The following SGCG variants were observed in gnomAD, a reference collection of about 807,000 sequenced individuals.
The protein encoded by SGCG is sarcoglycan gamma.
In SGCG, 26 loss-of-function variants were observed where a neutral mutation model predicts 29.3. The observed-to-expected ratio is 0.89, with a 90% CI of 0.65 to 1.23. The LOEUF (loss-of-function observed/expected upper bound fraction) is 1.23. SGCG is among the 50% of genes most tolerant of loss of function. The pLI is 0.00. For missense variants in SGCG, 353 were observed against 356.0 expected, an observed-to-expected ratio of 0.99 and a Z score of 0.07; for synonymous variants, 145 against 129.7, an observed-to-expected ratio of 1.12 and a Z score of -0.80.
intron 2 of SGCG, among the ~76,000 whole-genome samples, chr13:23,215,516 GCA>G (rs1365862607): frequency 6.6e-6 from 1 of 152,008 alleles, no homozygotes; most frequent in African/African-American, 2.4e-5. Context: ...TTCTCCCATA[GCA>G]CACACACACT....
At chr13:23,252,888 T>G (rs989381991) in intron 4 of SGCG, among the ~76,000 whole-genome samples, 8 of 152,106 alleles carry the variant, frequency 5.3e-5, no homozygotes, top group African/African-American at 1.9e-4. Context: ...CATAGCTAGT[T>G]AGTAGAGAAG....
intron 4 of SGCG, among the ~76,000 whole-genome samples, chr13:23,276,290 T>G (rs1263285057): frequency 6.6e-6 from 1 of 152,092 alleles, no homozygotes; most frequent in Non-Finnish European, 1.5e-5. Flanking sequence ...GTATTTAAAT[T>G]TAAACATGCA....
intron 1 of SGCG, among the ~76,000 whole-genome samples, chr13:23,181,668 A>G (rs1029086025): frequency 1.3e-5 from 2 of 152,250 alleles, no homozygotes. Flanking sequence ...TGCTCAAAAT[A>G]TGTATGAAAA....
intron 4 of SGCG, among the ~76,000 whole-genome samples, chr13:23,257,380 A>T (rs1179491919): frequency 6.6e-6 from 1 of 152,088 alleles, no homozygotes; most frequent in African/African-American, 2.4e-5. Flanking sequence ...CATTTACATT[A>T]GGTATCTCCC....
At chr13:23,201,917 A>G (rs1476415394) in intron 1 of SGCG, among the ~76,000 whole-genome samples, 1 of 152,140 alleles carries the variant, frequency 6.6e-6, no homozygotes, top group African/African-American at 2.4e-5. Context: ...ATTTCAAATG[A>G]TAAGCACTTT....
chr13:23,160,805 C>G, the SGCG span, among the ~76,000 whole-genome samples: 1 of 152,198 alleles, frequency 6.6e-6, no homozygotes, highest in Non-Finnish European at 1.5e-5. Flanking sequence ...CCCGTGCCCT[C>G]TTTCTCCTCG....
At chr13:23,321,404 T>C (rs780350589) in intron 7 of SGCG, among the ~76,000 whole-genome samples, 17 of 152,200 alleles carry the variant, frequency 1.1e-4, no homozygotes, top group Non-Finnish European at 2.2e-4. Context: ...GTTTAACTTA[T>C]AAATAAGGCT....
At chr13:23,242,669 T>C (rs1044080013) in intron 3 of SGCG, among the ~76,000 whole-genome samples, 1 of 152,130 alleles carries the variant, frequency 6.6e-6, no homozygotes, top group African/African-American at 2.4e-5. Context: ...AAAGGCATCA[T>C]TAGCTAATGA....
At chr13:23,285,691 C>T (rs1460252666) in intron 5 of SGCG, among the ~76,000 whole-genome samples, 1 of 152,208 alleles carries the variant, frequency 6.6e-6, no homozygotes. Flanking sequence ...CAGTGTCTGT[C>T]CAAATGACCA....
intron 4 of SGCG, among the ~76,000 whole-genome samples, chr13:23,257,566 C>T (rs1880247170): frequency 6.6e-6 from 1 of 152,134 alleles, no homozygotes; most frequent in African/African-American, 2.4e-5. Context: ...TCCCTTTTGT[C>T]AATTTTGACT....
Position 23,320,681 on chromosome 13 carries a change from G to A in SGCG, c.623G>A (p.Gly208Asp), listed in dbSNP as rs778119056. 1.2e-6 allele frequency: 2 copies of A among 1,610,500 alleles called. No individual in the cohort carries two copies. Among genetic ancestry groups the A allele is most frequent in the African/African-American group, 1.3e-5 (1 of 74,700 alleles). Residue 208 changes from glycine to aspartate, a missense_variant, in exon 7 of 8, where the codon GGT becomes GAT. Gly to Asp is a moderately conservative substitution (Grantham distance 94, BLOSUM62 -1). Coordinates refer to ENST00000218867, the MANE Select transcript of SGCG (RefSeq NM_000231.3). ...TRSLSMDAPRGVHIQAHAGKI... is the reference protein window; with the variant it reads ...TRSLSMDAPRDVHIQAHAGKI... ...AGTCTAAGCATGGATGCCCCAAGGG[G>A]TGTGCATATTCAAGCTCACGCTGGG...
chr13:23,299,438 ATATATATATATATATATATT>A (rs1337648941), intron 6 of SGCG, among the ~76,000 whole-genome samples: 3 of 5,448 alleles, frequency 5.5e-4, no homozygotes, highest in African/African-American at 1.4e-3. Flanking sequence ...ATATATATAT[ATATATATATATATATATATT>A]TTTTTTTTTT....
chr13:23,292,306 G>T (rs2137639278), intron 5 of SGCG, among the ~76,000 whole-genome samples: 1 of 152,192 alleles, frequency 6.6e-6, no homozygotes, highest in South Asian at 2.1e-4. Context: ...GACGGGATTT[G>T]ATCATGTTGG....
At chr13:23,244,255 G>C (rs1879616614) in intron 3 of SGCG, 1 of 152,144 alleles carries the variant, frequency 6.6e-6, no homozygotes, top group Non-Finnish European at 1.5e-5. Context: ...GCCGTATCAG[G>C]ATCACTGTAT....
chr13:23,311,395 C>T (rs73441093), intron 6 of SGCG, among the ~76,000 whole-genome samples: 3,228 of 152,298 alleles, frequency 0.021, 98 homozygotes, highest in African/African-American at 0.074. Flanking sequence ...AGCCATAGTT[C>T]TTCATATGTA....
intron 1 of SGCG, among the ~76,000 whole-genome samples, chr13:23,196,412 G>A (rs1167140182): frequency 6.6e-6 from 1 of 152,098 alleles, no homozygotes; most frequent in Non-Finnish European, 1.5e-5. Flanking sequence ...CTTCATCAGA[G>A]GAGCAGCATG....
chr13:23,301,118 A>G (rs78497691), intron 6 of SGCG, among the ~76,000 whole-genome samples: 24,392 of 152,158 alleles, frequency 0.16, 2,357 homozygotes, highest in Non-Finnish European at 0.21. Flanking sequence ...TCCATCTCAA[A>G]AAAAAGGAAT....
upstream of SGCG, among the ~76,000 whole-genome samples, chr13:23,178,043 A>G (rs1164587418): frequency 2.6e-5 from 4 of 152,180 alleles, no homozygotes; most frequent in Non-Finnish European, 4.4e-5. Context: ...CACTGAAGGC[A>G]TGTGTGTCAG....
chr13:23,288,163 G>T lies in SGCG; in HGVS notation c.506-7252G>T, dbSNP rs143723864. On this transcript the variant is annotated intron_variant, in intron 5 of 7. Coordinates refer to ENST00000218867, the MANE Select transcript of SGCG (RefSeq NM_000231.3). ...CCTATTTCAAGTGGATTGACTCCAG[G>T]TAGCCTTTGGAGTTTCTCAGGTCAG... 9.9e-3 allele frequency among the ~76,000 whole-genome samples: 1,506 copies of T among 152,290 alleles called. 14 individuals are homozygous for T. Among genetic ancestry groups the T allele is most frequent in the Non-Finnish European group, 0.015 (1,009 of 68,028 alleles).
Sources: allele counts gnomAD v4.1 joint callset (sites outside exome capture counted in the v4.1 genomes callset), GRCh38; gene constraint gnomAD v4.1.1; transcripts MANE v1.5; gene names NCBI Gene and HGNC (gene_info 2026-07-23, HGNC 2026-07-21).